The following EPS8 variants were observed in gnomAD, a reference collection of about 807,000 sequenced individuals.
The protein encoded by EPS8 is epidermal growth factor receptor kinase substrate 8.
A neutral mutation model predicts 103.8 loss-of-function variants in EPS8; 42 were observed. The ratio of observed to expected loss-of-function variants is 0.40; its 90% CI spans 0.32 to 0.52. The LOEUF (loss-of-function observed/expected upper bound fraction) is 0.52. Ranked by LOEUF, EPS8 falls within the 20% of genes least tolerant of loss-of-function variation. EPS8 has a pLI of 0.40. For synonymous variants in EPS8, 344 were observed against 344.6 expected (o/e 1.00, Z 0.02); for missense variants, 969 against 1,005.1 (o/e 0.96, Z 0.49).
At chr12:15,722,136 GGAA>G (rs1302711991) in intron 1 of EPS8, among the ~76,000 whole-genome samples, 8 of 150,642 alleles carry the variant, frequency 5.3e-5, no homozygotes, top group Admixed American at 6.6e-5. Context: ...GGGCTACAAT[GGAA>G]GAAGAAGAAT....
intron 15 of EPS8, among the ~76,000 whole-genome samples, chr12:15,646,240 T>C (rs1044736148): frequency 6.6e-6 from 1 of 152,184 alleles, no homozygotes; most frequent in African/African-American, 2.4e-5. Context: ...GCATTACCTG[T>C]CACCACCCCT....
chr12:15,667,160 A>G (rs1945728458), intron 6 of EPS8, among the ~76,000 whole-genome samples: 3 of 152,204 alleles, frequency 2.0e-5, no homozygotes, highest in Admixed American at 2.0e-4. Flanking sequence ...GTTTAGAGCC[A>G]GTGATCATTA....
intron 14 of EPS8, among the ~76,000 whole-genome samples, chr12:15,649,537 C>T (rs1036793498): frequency 6.6e-6 from 1 of 152,008 alleles, no homozygotes; most frequent in African/African-American, 2.4e-5. Context: ...GCTTGCCAAC[C>T]GAGCAGTGAG....
rs1037111896 is a variant in EPS8 at position 15,733,868 on chromosome 12, T to C, written c.-21-50896A>G. Among the ~76,000 whole-genome samples, 6 of 152,178 alleles carry C rather than the reference T, an allele frequency of 3.9e-5. No homozygotes were observed. The highest frequency in any genetic ancestry group is 8.8e-5 in the Non-Finnish European group (6 of 68,026). Reference sequence around the variant, plus strand: ...TTAATGGAAAATACATTTTTATTTTTATTTTCTTGAAAAAGGGTCTCACTC... The same window carrying C: ...TTAATGGAAAATACATTTTTATTTTCATTTTCTTGAAAAAGGGTCTCACTC... On this transcript the variant is annotated intron_variant, in intron 1 of 20. Transcript: ENST00000281172. The surrounding 1 kb of genome is among the most constrained non-coding windows in gnomAD (Gnocchi z 4.8).
At chr12:15,636,071 A>T (rs1223288700) in intron 17 of EPS8, among the ~76,000 whole-genome samples, 1 of 152,174 alleles carries the variant, frequency 6.6e-6, no homozygotes, top group East Asian at 1.9e-4. Flanking sequence ...ATACCTTGCA[A>T]ATTTAAATGG....
rs1034295474 is a variant in EPS8, at chr12:15,714,683, T to C, written c.-21-31711A>G. 6.6e-6 allele frequency among the ~76,000 whole-genome samples: 1 copy of C among 152,186 alleles called. No homozygotes were observed. Among genetic ancestry groups the C allele is most frequent in the Admixed American group, 6.5e-5 (1 of 15,276 alleles). ...CTTAGAATAAAAAAGTGCTGCTTGT[T>C]GCCAGTGCAGTATTCTTGGGGCAAA... On this transcript the variant is annotated intron_variant, in intron 1 of 20. Transcript: ENST00000281172. This position sits in a 1 kb window ranked among gnomAD's most constrained non-coding sequence, Gnocchi z 4.1.
chr12:15,786,511 T>C (rs1341228379), intron 1 of EPS8, among the ~76,000 whole-genome samples: 2 of 152,042 alleles, frequency 1.3e-5, no homozygotes, highest in Non-Finnish European at 2.9e-5. Context: ...AAATAAAGTA[T>C]AAACTTTGTT....
intron 1 of EPS8, among the ~76,000 whole-genome samples, chr12:15,737,852 T>C (rs1428756877): frequency 6.6e-6 from 1 of 152,188 alleles, no homozygotes; most frequent in East Asian, 1.9e-4. Context: ...TTTGCTCATT[T>C]ACCAATACAT....
At chr12:15,678,621 G>A (rs1013531858) in intron 3 of EPS8, among the ~76,000 whole-genome samples, 2 of 152,056 alleles carry the variant, frequency 1.3e-5, no homozygotes, top group Non-Finnish European at 2.9e-5. Flanking sequence ...GTAAAAGGGG[G>A]AAAATAAAAA....
At chr12:15,758,604 C>T (rs1158621162) in intron 1 of EPS8, among the ~76,000 whole-genome samples, 1 of 152,188 alleles carries the variant, frequency 6.6e-6, no homozygotes, top group Non-Finnish European at 1.5e-5. Flanking sequence ...TAAAGAAGGC[C>T]TGTCAGAGAC....
chr12:15,674,642 T>C, intron 3 of EPS8, among the ~76,000 whole-genome samples: 1 of 152,218 alleles, frequency 6.6e-6, no homozygotes, highest in East Asian at 1.9e-4. Context: ...CAACAAATTA[T>C]TAAAATGGCT....
intron 17 of EPS8, among the ~76,000 whole-genome samples, chr12:15,632,884 T>G (rs1428757999): frequency 6.6e-6 from 1 of 152,150 alleles, no homozygotes; most frequent in Non-Finnish European, 1.5e-5. Flanking sequence ...GAAGGAGCCC[T>G]CATTCTTTTC....
At chr12:15,661,553 T>C (rs1249096071) in intron 9 of EPS8, among the ~76,000 whole-genome samples, 1 of 152,198 alleles carries the variant, frequency 6.6e-6, no homozygotes, top group Non-Finnish European at 1.5e-5. Context: ...TGTAAATCAC[T>C]ATAAAGAAAA....
chr12:15,647,109 G>A lies in EPS8; in HGVS notation c.1568+18C>T. On this transcript the variant is annotated intron_variant, in intron 15 of 20. Transcript: ENST00000281172. ...ACATTTATCCACAGCTCTCCAAAGG[G>A]TGCCCATTAAATGTTACCTATCTAT... 1.2e-6 allele frequency: 2 copies of A among 1,608,816 alleles called. No homozygotes were observed. Among genetic ancestry groups the A allele is most frequent in the Non-Finnish European group, 1.7e-6 (2 of 1,177,384 alleles).
chr12:15,694,692 C>T (rs1372976829), intron 1 of EPS8, among the ~76,000 whole-genome samples: 3 of 151,986 alleles, frequency 2.0e-5, no homozygotes, highest in African/African-American at 7.3e-5. Context: ...TTCAAGTTGC[C>T]TATAAAAGTA....
At chr12:15,642,384 G>T (rs1388403473) in intron 15 of EPS8, among the ~76,000 whole-genome samples, 1 of 152,044 alleles carries the variant, frequency 6.6e-6, no homozygotes, top group Non-Finnish European at 1.5e-5. Context: ...CATTAAGTAT[G>T]AGACTAGTAA....
intron 2 of EPS8, 100 bp downstream of exon 2, chr12:15,682,793 C>T (rs1392136608): frequency 3.0e-6 from 2 of 675,330 alleles, no homozygotes; most frequent in African/African-American, 3.7e-5. Context: ...AACTACTGAA[C>T]TACACAACGA....
chr12:15,681,381 G>A lies in EPS8; in HGVS notation c.60-79C>T, dbSNP rs1946003783. On this transcript the variant is annotated intron_variant, in intron 2 of 20. Coordinates refer to ENST00000281172, the MANE Select transcript of EPS8 (RefSeq NM_004447.6). Reference sequence around the variant, plus strand: ...GGGTTAAAGTCCAATATAAGTAACAGAAACTCAACTAGAAAATAAAAATTC... The same window carrying A: ...GGGTTAAAGTCCAATATAAGTAACAAAAACTCAACTAGAAAATAAAAATTC... 3 of 532,376 alleles carry A rather than the reference G, an allele frequency of 5.6e-6. No homozygotes were observed. The East Asian group carries it at 1.4e-4, about 25-fold the overall frequency. 33.0% of individuals were successfully genotyped at this position (532,376 alleles called of 1,614,324 possible).
rs1946305223 is a variant in EPS8 at position 15,701,038 on chromosome 12, A to G, written c.-21-18066T>C. 6.6e-6 allele frequency among the ~76,000 whole-genome samples: 1 copy of G among 152,190 alleles called. No homozygotes were observed. On this transcript the variant is annotated intron_variant, in intron 1 of 20. Transcript: ENST00000281172. This position sits in a 1 kb window ranked among gnomAD's most constrained non-coding sequence, Gnocchi z 5.1. ...CTACTACCTACCTGTGTCCATCTTT[A>G]TACCATAGTCTCTTAATGATAAACA... is the stretch of plus-strand genomic sequence containing the variant.
Sources: allele counts gnomAD v4.1 joint callset (sites outside exome capture counted in the v4.1 genomes callset), GRCh38; gene constraint gnomAD v4.1.1; non-coding constraint Gnocchi (gnomAD v3.1); transcripts MANE v1.5; gene names NCBI Gene and HGNC (gene_info 2026-07-23, HGNC 2026-07-21).